ATRNL1: variants seen among roughly 807,000 people sequenced by gnomAD.
ATRNL1 encodes attractin-like protein 1.
A neutral mutation model predicts 182.7 loss-of-function variants in ATRNL1; 95 were observed. The observed-to-expected ratio is 0.52, with a 90% CI of 0.44 to 0.62. The LOEUF (loss-of-function observed/expected upper bound fraction) is 0.62. Among genes scored for constraint, ATRNL1 ranks in the 20% least tolerant of loss-of-function variants. The probability of loss-of-function intolerance (pLI) is 0.00; values close to 1 mark genes in which losing one functional copy is unlikely to be tolerated. For synonymous variants in ATRNL1, 576 were observed against 568.3 expected (o/e 1.01, Z -0.19); for missense variants, 1,471 against 1,679.5 (o/e 0.88, Z 2.17).
intron 19 of ATRNL1, among the ~76,000 whole-genome samples, chr10:115,363,391 T>G (rs1454698802): frequency 8.1e-5 from 12 of 147,970 alleles, no homozygotes; most frequent in Non-Finnish European, 1.5e-4. Context: ...TAAATTTGTT[T>G]GAGTTCATTG....
intron 19 of ATRNL1, among the ~76,000 whole-genome samples, chr10:115,369,617 A>C (rs1317482518): frequency 6.6e-6 from 1 of 152,140 alleles, no homozygotes; most frequent in African/African-American, 2.4e-5. Flanking sequence ...ATCATATGAA[A>C]GGTCCATTTT....
At chr10:115,453,871 A>G (rs1339529377) in intron 21 of ATRNL1, among the ~76,000 whole-genome samples, 1 of 151,778 alleles carries the variant, frequency 6.6e-6, no homozygotes. Context: ...TGGGTGCAGC[A>G]CACCAGCATG....
intron 10 of ATRNL1, among the ~76,000 whole-genome samples, chr10:115,242,988 G>A (rs534407676): frequency 6.6e-6 from 1 of 151,896 alleles, no homozygotes; most frequent in Non-Finnish European, 1.5e-5. Flanking sequence ...TTGCTAGATT[G>A]GGCCTGTCAA....
intron 25 of ATRNL1, among the ~76,000 whole-genome samples, chr10:115,522,144 C>A (rs1439510099): frequency 6.6e-6 from 1 of 152,094 alleles, no homozygotes; most frequent in Non-Finnish European, 1.5e-5. Flanking sequence ...TGTTTTATGC[C>A]ATCTTAAGTA....
chr10:115,832,355 G>A (rs957556689), intron 27 of ATRNL1, among the ~76,000 whole-genome samples: 2 of 152,208 alleles, frequency 1.3e-5, no homozygotes, highest in African/African-American at 2.4e-5. Context: ...ACCAACCTAA[G>A]TGGGAAGATT....
intron 17 of ATRNL1, among the ~76,000 whole-genome samples, chr10:115,311,542 A>G (rs545721834): frequency 2.0e-5 from 3 of 148,524 alleles, no homozygotes; most frequent in East Asian, 1.9e-4. Context: ...CATATGGTCT[A>G]TCTTGGAAAA....
chr10:115,684,640 A>G (rs1209722249), intron 26 of ATRNL1, among the ~76,000 whole-genome samples: 3 of 151,646 alleles, frequency 2.0e-5, no homozygotes, highest in African/African-American at 7.2e-5. Flanking sequence ...GAAAAATTCC[A>G]CTATGTAATA....
intron 19 of ATRNL1, among the ~76,000 whole-genome samples, chr10:115,348,263 G>A (rs1005725044): frequency 6.6e-6 from 1 of 152,110 alleles, no homozygotes; most frequent in Non-Finnish European, 1.5e-5. Context: ...ATGAGGCACC[G>A]CGCCTGGCCT....
chr10:115,694,688 C>CT (rs1555049203), intron 26 of ATRNL1, among the ~76,000 whole-genome samples: 1 of 151,934 alleles, frequency 6.6e-6, no homozygotes, highest in Non-Finnish European at 1.5e-5. Context: ...TTCAATACAA[C>CT]TAACAAAATT....
chr10:115,318,193 G>A (rs782228095), intron 18 of ATRNL1, among the ~76,000 whole-genome samples: 6 of 152,128 alleles, frequency 3.9e-5, no homozygotes, highest in Non-Finnish European at 5.9e-5. Context: ...GAGGAGTTAC[G>A]TTTATTGATT....
In ATRNL1 at chr10:115,637,603, CTATTATTATTAT is replaced by C. The variant is rs3087071; in HGVS notation, c.3795+88093_3795+88104del. ...AAAGTAAGCTAAAGTCAATTTATTA[CTATTATTATTAT>C]TATTATTATTATTATTATTATTATT... On this transcript the variant is annotated intron_variant, in intron 26 of 28. Transcript: ENST00000355044. 1.6e-4 allele frequency among the ~76,000 whole-genome samples: 22 copies of C among 141,816 alleles called. 1 individual carries two copies. The highest frequency in any genetic ancestry group is 3.6e-4 in the African/African-American group (14 of 38,606). 93.0% of individuals were successfully genotyped at this position (141,816 alleles called of 152,430 possible).
chr10:115,240,416 T>C (rs1427170623), intron 9 of ATRNL1, among the ~76,000 whole-genome samples: 5 of 151,816 alleles, frequency 3.3e-5, no homozygotes, highest in African/African-American at 9.7e-5. Flanking sequence ...CATGCCCGGG[T>C]AATTTTTTGT....
At chr10:115,176,771 G>A (rs543235257) in intron 8 of ATRNL1, among the ~76,000 whole-genome samples, 1 of 152,252 alleles carries the variant, frequency 6.6e-6, no homozygotes, top group Admixed American at 6.6e-5. Flanking sequence ...CAAGCAGACA[G>A]TTGGATATAT....
At chr10:115,331,443 T>C (rs1000578434) in intron 18 of ATRNL1, among the ~76,000 whole-genome samples, 4 of 152,226 alleles carry the variant, frequency 2.6e-5, no homozygotes, top group Admixed American at 6.5e-5. Context: ...ATTTGTTTGT[T>C]GAATTTCTCT....
At chr10:115,738,996 A>AT (rs1257765118) in intron 27 of ATRNL1, among the ~76,000 whole-genome samples, 2 of 152,082 alleles carry the variant, frequency 1.3e-5, no homozygotes, top group Non-Finnish European at 2.9e-5. Flanking sequence ...CAAAATTAAA[A>AT]TTTTACAAAT....
At chr10:115,199,224 G>A (rs914472889) in intron 8 of ATRNL1, among the ~76,000 whole-genome samples, 1 of 151,378 alleles carries the variant, frequency 6.6e-6, no homozygotes. Flanking sequence ...CACCTCATTG[G>A]TTACATTTAT....
intron 27 of ATRNL1, among the ~76,000 whole-genome samples, chr10:115,845,514 A>G (rs1226039879): frequency 6.6e-6 from 1 of 151,958 alleles, no homozygotes; most frequent in Non-Finnish European, 1.5e-5. Context: ...GATGCTGTTG[A>G]TGATTTGATG....
Position 115,127,621 on chromosome 10 carries a change from A to G in ATRNL1, c.520A>G (p.Asn174Asp). Residue 174 changes from asparagine (N) to aspartate (D), a missense_variant, in exon 4 of 29, where the codon AAT (asparagine) becomes GAT (aspartate). Physicochemically the swap from Asn to Asp is conservative, Grantham distance 23. This residue lies in a region of ATRNL1 where 1,031 missense variants were observed against 1,156.0 expected (regional missense o/e 0.89). Coordinates refer to ENST00000355044, the MANE Select transcript of ATRNL1 (RefSeq NM_207303.4). Reference sequence around the variant, plus strand: ...TTTGATAGTCCCTGAAATAAGGGGCAATGAAACTGTGCCTGAAGTTGTTAC... The same window carrying G: ...TTTGATAGTCCCTGAAATAAGGGGCGATGAAACTGTGCCTGAAGTTGTTAC... ...SGLIVPEIRG[N>D]ETVPEVVTTS... The G allele has an allele frequency of 1.2e-6, 2 of 1,609,392 alleles. No homozygotes were observed. Among genetic ancestry groups the G allele is most frequent in the Non-Finnish European group, 1.7e-6 (2 of 1,177,796 alleles).
chr10:115,238,545 G>T (rs1289784946), intron 9 of ATRNL1, among the ~76,000 whole-genome samples: 1 of 151,972 alleles, frequency 6.6e-6, no homozygotes, highest in Non-Finnish European at 1.5e-5. Flanking sequence ...TTCACTGCTG[G>T]TATATAAAAA....
Sources: gnomAD v4.1 joint callset for allele counts (sites outside exome capture counted in the v4.1 genomes callset) on GRCh38, gnomAD v4.1.1 for gene constraint, gnomAD v4.1.1 regional missense constraint, MANE v1.5 for transcripts, NCBI Gene and HGNC (gene_info 2026-07-23, HGNC 2026-07-21) for gene names.